Variants in SP140 observed in about 807,000 individuals in gnomAD.
The protein encoded by SP140 is nuclear body protein SP140.
SP140 carries 81 observed loss-of-function variants against 125.0 expected under a neutral mutation model. The observed-to-expected ratio is 0.65, with a 90% CI of 0.54 to 0.78. SP140 has a LOEUF of 0.78. SP140 is among the 30% of genes least tolerant of loss of function. The pLI, the probability that SP140 is intolerant of heterozygous loss-of-function variation, is 0.00. For synonymous variants in SP140, 312 were observed against 354.0 expected, an observed-to-expected ratio of 0.88 and a Z score of 1.33; for missense variants, 858 against 1,037.0, an observed-to-expected ratio of 0.83 and a Z score of 2.37.
chr2:230,250,909 T>C (rs1575014242), intron 9 of SP140, 72 bp from the exon 10 acceptor site: 3 of 1,552,762 alleles, frequency 1.9e-6, no homozygotes, highest in Non-Finnish European at 2.7e-6. Flanking sequence ...ACCTAGGAGA[T>C]ACTTCAGCTT....
chr2:230,312,590 A>T lies in SP140; in HGVS notation c.2510A>T (p.Lys837Met). The change falls in exon 27 of 27, where the codon AAG becomes ATG. Residue 837 changes from lysine to methionine, a missense_variant. Around this residue, in one of 4 missense-constraint regions of SP140, gnomAD observed 43 missense variants for 35.1 expected, o/e 1.23. Coordinates refer to ENST00000392045, the MANE Select transcript of SP140 (RefSeq NM_007237.5). The stretch of plus-strand genomic sequence containing the variant: ...TTGTCTTTATTATTTTTTCAGTACA[A>T]GGATTTTGGCCAAATGGGATTTAGA... ...FQNHRASYKY[K>M]DFGQMGFRLE... 1.9e-6 allele frequency: 3 copies of T among 1,606,014 alleles called. No individual in the cohort carries two copies. Among genetic ancestry groups the T allele is most frequent in the Non-Finnish European group, 2.6e-6 (3 of 1,173,890 alleles).
chr2:230,312,501 C>CTGT, intron 26 of SP140, 85 bp from the exon 27 acceptor site: 2 of 862,008 alleles, frequency 2.3e-6, no homozygotes, highest in Non-Finnish European at 3.7e-6. Flanking sequence ...TTTTTAAAGA[C>CTGT]AAGAGTCCTG....
chr2:230,286,286 T>TA (rs1337536978), intron 17 of SP140, among the ~76,000 whole-genome samples: 23 of 152,332 alleles, frequency 1.5e-4, no homozygotes, highest in African/African-American at 5.1e-4. Context: ...GACCTAGTAT[T>TA]AAACTACAAT....
intron 15 of SP140, among the ~76,000 whole-genome samples, chr2:230,271,434 T>C (rs2053909784): frequency 6.6e-6 from 1 of 152,166 alleles, no homozygotes; most frequent in Admixed American, 6.5e-5. Context: ...AGAGAAAGCC[T>C]ATATTGCGTT....
chr2:230,190,974 C>G, the SP140 span, among the ~76,000 whole-genome samples: 2 of 152,034 alleles, frequency 1.3e-5, no homozygotes, highest in African/African-American at 2.4e-5. Flanking sequence ...TCGTATTGTT[C>G]AAAGTCAGGT....
chr2:230,288,455 ATCTT>A (rs34638665), intron 18 of SP140, among the ~76,000 whole-genome samples: 15,553 of 123,462 alleles, frequency 0.13, 948 homozygotes, highest in East Asian at 0.17. Context: ...TAGGCCAACT[ATCTT>A]TCTTTCTTTC....
chr2:230,283,592 C>T (rs1182715549), intron 15 of SP140, among the ~76,000 whole-genome samples: 2 of 152,194 alleles, frequency 1.3e-5, no homozygotes, highest in African/African-American at 2.4e-5. Flanking sequence ...TGGTCACTAT[C>T]CAGGAAGGAG....
At position 230,225,793 on chromosome 2, in the gene SP140, G is replaced by A; in HGVS notation, c.-52G>A. On this transcript the variant is annotated 5_prime_UTR_variant, in exon 1 of 27. Transcript: ENST00000392045. ...TTGGCAGCTTCACCTCAGAGCTGCAGGAAGGAACGGGGCAGTGAAAATCGA... is the reference window on the plus strand; with the variant it reads ...TTGGCAGCTTCACCTCAGAGCTGCAAGAAGGAACGGGGCAGTGAAAATCGA... 1.3e-6 allele frequency: 2 copies of A among 1,499,746 alleles called. No individual in the cohort carries two copies. The highest frequency in any genetic ancestry group is 1.1e-5 in the South Asian group (1 of 88,838). The allele number at this position is 1,499,746 out of a possible 1,614,324, so 92.9% of individuals were successfully genotyped here. A position where few individuals can be genotyped will look rare whatever the true frequency, so the allele number is the denominator to read the frequency against.
intron 1 of SP140, 78 bp downstream of exon 1, chr2:230,225,981 C>A: frequency 9.0e-7 from 1 of 1,107,906 alleles, no homozygotes; most frequent in Non-Finnish European, 1.3e-6. Context: ...TAATGTCTAC[C>A]CAGCTTCACT....
intron 17 of SP140, among the ~76,000 whole-genome samples, chr2:230,286,800 A>G (rs1029971513): frequency 1.3e-5 from 2 of 152,150 alleles, no homozygotes; most frequent in Non-Finnish European, 2.9e-5. Context: ...AATTTTCCCA[A>G]TGAAACTCTC....
At chr2:230,306,726 A>G (rs1008665679) in intron 22 of SP140, among the ~76,000 whole-genome samples, 1 of 152,150 alleles carries the variant, frequency 6.6e-6, no homozygotes, top group South Asian at 2.1e-4. Flanking sequence ...ACCCCTCTGG[A>G]TTTTGGGTGC....
intron 22 of SP140, among the ~76,000 whole-genome samples, chr2:230,298,077 G>A (rs1295606298): frequency 1.3e-5 from 2 of 152,126 alleles, no homozygotes; most frequent in East Asian, 1.9e-4. Context: ...AAACCATCAC[G>A]ACCTAGCAAA....
At chr2:230,310,982 A>G in intron 24 of SP140, 131 bp downstream of exon 24, 1 of 768,954 alleles carries the variant, frequency 1.3e-6, no homozygotes, top group Admixed American at 3.0e-5. Context: ...CACTGATAGA[A>G]CACCACACCT....
intron 22 of SP140, among the ~76,000 whole-genome samples, chr2:230,300,750 A>T (rs1388784078): frequency 6.6e-6 from 1 of 152,142 alleles, no homozygotes; most frequent in Non-Finnish European, 1.5e-5. Flanking sequence ...GTTCTATAAC[A>T]CCCCCAAAAG....
chr2:230,203,715 C>A (rs944551320), intron 1 of SP140: 3 of 152,108 alleles, frequency 2.0e-5, no homozygotes, highest in African/African-American at 7.2e-5. Context: ...TTCAGCACTA[C>A]TATATATATT....
Position 230,269,627 on chromosome 2 carries a change from G to T in SP140, c.1327+9G>T. 1.4e-6 allele frequency: 2 copies of T among 1,472,516 alleles called. No individual in the cohort carries two copies. The highest frequency in any genetic ancestry group is 2.5e-5 in the South Asian group (2 of 79,146). The allele number at this position is 1,472,516 out of a possible 1,614,324, so 91.2% of individuals were successfully genotyped here. ...ATATGATAATGTACCAGGTAATTAT[G>T]ACTTAAAAATAGTGAAAACAGAAAC... On this transcript the variant is annotated intron_variant, in intron 13 of 26. Transcript: ENST00000392045.
intron 12 of SP140, among the ~76,000 whole-genome samples, chr2:230,265,506 G>C (rs1390415281): frequency 6.6e-6 from 1 of 152,188 alleles, no homozygotes; most frequent in African/African-American, 2.4e-5. Flanking sequence ...AGTTCAGCTA[G>C]AGATTGGCTT....
At chr2:230,265,001 A>C (rs1184350469) in intron 12 of SP140, among the ~76,000 whole-genome samples, 1 of 151,866 alleles carries the variant, frequency 6.6e-6, no homozygotes, top group Admixed American at 6.6e-5. Context: ...ATGGGGAGGA[A>C]CCGGTGATGG....
At chr2:230,279,048 A>G (rs1426419049) in intron 15 of SP140, among the ~76,000 whole-genome samples, 2 of 152,150 alleles carry the variant, frequency 1.3e-5, no homozygotes, top group South Asian at 4.1e-4. Flanking sequence ...TATCCAAAAA[A>G]TAAATTAAGA....
Sources: allele counts gnomAD v4.1 joint callset (sites outside exome capture counted in the v4.1 genomes callset), GRCh38; gene constraint gnomAD v4.1.1; regional missense constraint gnomAD v4.1.1; transcripts MANE v1.5; gene names NCBI Gene and HGNC (gene_info 2026-07-23, HGNC 2026-07-21).